COL25A1: variants seen among roughly 807,000 people sequenced by gnomAD.
COL25A1 encodes the protein collagen type XXV alpha 1 chain.
In COL25A1, 103 loss-of-function variants were observed where a neutral mutation model predicts 128.4. That is an observed-to-expected ratio of 0.80 (90% CI 0.68 to 0.94). The LOEUF is 0.94. COL25A1 is among the 40% of genes least tolerant of loss of function. COL25A1 has a pLI of 0.00. For missense variants in COL25A1, 745 were observed against 840.0 expected (o/e 0.89, Z 1.40); for synonymous variants, 279 against 277.2 (o/e 1.01, Z -0.06).
intron 8 of COL25A1, among the ~76,000 whole-genome samples, chr4:108,953,754 A>G (rs1338082403): frequency 6.6e-6 from 1 of 152,162 alleles, no homozygotes; most frequent in Non-Finnish European, 1.5e-5. Flanking sequence ...AACAATTCAA[A>G]TTTAGTTTAC....
chr4:108,896,803 C>T, intron 15 of COL25A1, 92 bp from the exon 16 acceptor site: 1 of 1,133,714 alleles, frequency 8.8e-7, no homozygotes, highest in Non-Finnish European at 1.3e-6. Context: ...TTCATGAACA[C>T]TACATATTAA....
In COL25A1 at chr4:108,844,538, T is replaced by C. The variant is rs771928043; in HGVS notation, c.1610A>G (p.His537Arg). Residue 537 changes from histidine to arginine, a missense_variant, in exon 30 of 38, where the codon CAT becomes CGT. His to Arg is a conservative substitution (Grantham distance 29, BLOSUM62 0). Coordinates refer to ENST00000399132, the MANE Select transcript of COL25A1 (RefSeq NM_198721.4). ...ACTTACCATGGGGCCAGGTGGGCCA[T>C]GGGGACCTGGTGGGCCTGGTGGGCC... ...IIGPPGPPGP[H>R]GPPGPMGPHG... 1.2e-5 allele frequency: 20 copies of C among 1,613,766 alleles called. No individual in the cohort carries two copies. In the South Asian group the frequency reaches 2.1e-4, roughly 17 times the overall value.
intron 3 of COL25A1, among the ~76,000 whole-genome samples, chr4:109,255,768 T>G (rs928105326): frequency 6.6e-6 from 1 of 152,234 alleles, no homozygotes; most frequent in African/African-American, 2.4e-5. Context: ...ATATTGATGC[T>G]TTCTGACAAT....
intron 5 of COL25A1, among the ~76,000 whole-genome samples, chr4:109,024,700 C>G (rs959505795): frequency 6.6e-6 from 1 of 152,066 alleles, no homozygotes; most frequent in African/African-American, 2.4e-5. Context: ...CTTTTAAACC[C>G]TTAATTAAGT....
At chr4:108,998,843 T>C (rs1755048651) in intron 6 of COL25A1, among the ~76,000 whole-genome samples, 1 of 152,130 alleles carries the variant, frequency 6.6e-6, no homozygotes, top group African/African-American at 2.4e-5. Flanking sequence ...TTGACAAGCC[T>C]GACAAAAACA....
intron 5 of COL25A1, among the ~76,000 whole-genome samples, chr4:109,024,977 T>A (rs1334070025): frequency 1.3e-5 from 2 of 152,192 alleles, no homozygotes; most frequent in African/African-American, 2.4e-5. Flanking sequence ...TGACTCCACA[T>A]CAACTGGGGA....
At chr4:109,275,349 A>G (rs185673799) in intron 3 of COL25A1, among the ~76,000 whole-genome samples, 38 of 152,284 alleles carry the variant, frequency 2.5e-4, no homozygotes, top group African/African-American at 8.9e-4. Context: ...CCCTGACACT[A>G]AACAGGCTTT....
chr4:109,012,671 C>G (rs780407531), intron 5 of COL25A1, among the ~76,000 whole-genome samples: 1 of 152,172 alleles, frequency 6.6e-6, no homozygotes, highest in African/African-American at 2.4e-5. Flanking sequence ...CTGGCCCGCC[C>G]GCACCACGCT....
At chr4:108,962,613 A>G (rs889390318) in intron 8 of COL25A1, among the ~76,000 whole-genome samples, 2 of 152,268 alleles carry the variant, frequency 1.3e-5, no homozygotes, top group East Asian at 3.9e-4. Flanking sequence ...CTACCTTTCC[A>G]TCACTGACTC....
At chr4:108,828,807 C>CT (rs1240589184) in intron 32 of COL25A1, among the ~76,000 whole-genome samples, 1 of 152,188 alleles carries the variant, frequency 6.6e-6, no homozygotes, top group Non-Finnish European at 1.5e-5. Context: ...GTTAGCAAAT[C>CT]TTTTTTCTTG....
chr4:109,165,252 A>C (rs553530458), intron 3 of COL25A1, among the ~76,000 whole-genome samples: 124 of 152,312 alleles, frequency 8.1e-4, no homozygotes, highest in Non-Finnish European at 1.7e-3. Flanking sequence ...CAGTGGTCAC[A>C]AAGTCCTCAT....
chr4:109,068,578 T>C (rs1762657176), intron 3 of COL25A1, among the ~76,000 whole-genome samples: 1 of 152,166 alleles, frequency 6.6e-6, no homozygotes, highest in Non-Finnish European at 1.5e-5. Flanking sequence ...GATAATCCTA[T>C]ATAGTAGTTT....
Position 109,165,610 on chromosome 4 carries a change from G to C in COL25A1, c.368-115431C>G, listed in dbSNP as rs943006249. Among the ~76,000 whole-genome samples the C allele has an allele frequency of 4.6e-5, 7 of 152,200 alleles. No individual in the cohort carries two copies. The South Asian group carries it at 1.2e-3, about 27-fold the overall frequency. ...GGCACACCTGTAATCCCAGCTACTT[G>C]GGAGGCTGAAGCAGGAGGATCACTT... On this transcript the variant is annotated intron_variant, in intron 3 of 37. Transcript: ENST00000399132.
intron 3 of COL25A1, among the ~76,000 whole-genome samples, chr4:109,259,254 A>C (rs1781276937): frequency 6.6e-6 from 1 of 152,204 alleles, no homozygotes; most frequent in Non-Finnish European, 1.5e-5. Flanking sequence ...ACTACTTTTC[A>C]CAATGAGAAA....
chr4:109,230,922 T>C (rs1259790027), intron 3 of COL25A1, among the ~76,000 whole-genome samples: 2 of 152,064 alleles, frequency 1.3e-5, no homozygotes, highest in African/African-American at 4.8e-5. Flanking sequence ...GGGCGAATCA[T>C]GAGGTCAAGA....
At chr4:109,027,594 AG>A (rs1365604499) in intron 5 of COL25A1, among the ~76,000 whole-genome samples, 1 of 152,132 alleles carries the variant, frequency 6.6e-6, no homozygotes, top group South Asian at 2.1e-4. Context: ...GTAGAAAGGC[AG>A]GGGTGTACAG....
chr4:109,169,097 G>T (rs982119089), intron 3 of COL25A1, among the ~76,000 whole-genome samples: 1 of 152,086 alleles, frequency 6.6e-6, no homozygotes, highest in African/African-American at 2.4e-5. Context: ...CTTTAACTTG[G>T]TAGAAGTGTC....
At chr4:109,282,208 TA>T (rs33915868) in intron 3 of COL25A1, among the ~76,000 whole-genome samples, 14,179 of 152,238 alleles carry the variant, frequency 0.093, 773 homozygotes, top group East Asian at 0.23. Flanking sequence ...TCAGCTACTC[TA>T]AAAAACACAG....
At chr4:109,037,238 C>T (rs1316056203) in intron 5 of COL25A1, among the ~76,000 whole-genome samples, 1 of 152,210 alleles carries the variant, frequency 6.6e-6, no homozygotes, top group Non-Finnish European at 1.5e-5. Flanking sequence ...TACTCTCCTT[C>T]TTTCTCATGA....
Sources: gnomAD v4.1 joint callset for allele counts (sites outside exome capture counted in the v4.1 genomes callset) on GRCh38, gnomAD v4.1.1 for gene constraint, MANE v1.5 for transcripts, NCBI Gene and HGNC (gene_info 2026-07-23, HGNC 2026-07-21) for gene names.